The following DPPA4 variants were observed in gnomAD, a reference collection of about 807,000 sequenced individuals.
DPPA4 encodes developmental pluripotency-associated protein 4.
DPPA4 carries 22 observed loss-of-function variants against 33.7 expected under a neutral mutation model. The ratio of observed to expected loss-of-function variants is 0.65; its 90% CI spans 0.47 to 0.93. The LOEUF (loss-of-function observed/expected upper bound fraction) is 0.93, where lower values mean the gene tolerates loss of function less well. Ranked by LOEUF, DPPA4 falls within the 40% of genes least tolerant of loss-of-function variation. The probability of loss-of-function intolerance (pLI) is 0.00; values close to 1 mark genes in which losing one functional copy is unlikely to be tolerated. For missense variants in DPPA4, 340 were observed against 358.6 expected, an observed-to-expected ratio of 0.95 and a Z score of 0.42; for synonymous variants, 156 against 132.3, an observed-to-expected ratio of 1.18 and a Z score of -1.23.
rs1409096272 is a variant in DPPA4 at position 109,326,616 on chromosome 3, A to G, written c.*1372T>C. ...AAAAGATCCCCTACTTGTAATAACAAAACAATGTTGGAAACTGTCATTAAA... is the reference window on the plus strand; with the variant it reads ...AAAAGATCCCCTACTTGTAATAACAGAACAATGTTGGAAACTGTCATTAAA... On this transcript the variant is annotated 3_prime_UTR_variant, in exon 7 of 7. Coordinates refer to ENST00000335658, the MANE Select transcript of DPPA4 (RefSeq NM_018189.4). 2.6e-5 allele frequency: 4 copies of G among 152,246 alleles called. No individual in the cohort carries two copies. The highest frequency in any genetic ancestry group is 7.2e-5 in the African/African-American group (3 of 41,470). 9.4% of individuals were successfully genotyped at this position (152,246 alleles called of 1,614,324 possible).
intron 5 of DPPA4, chr3:109,330,281 A>G (rs1817522): frequency 0.044 from 18,290 of 415,504 alleles, 2,780 homozygotes; most frequent in African/African-American, 0.35. Context: ...TAGCCTGGGC[A>G]ACAAGGGAGA....
At chr3:109,329,248 C>A in intron 5 of DPPA4, 160 bp from the exon 6 acceptor site, 1 of 690,658 alleles carries the variant, frequency 1.4e-6, no homozygotes, top group Non-Finnish European at 2.5e-6. Flanking sequence ...TTTAGAAAAG[C>A]ATACAAGCTG....
intron 6 of DPPA4, among the ~76,000 whole-genome samples, chr3:109,328,486 A>C (rs895480603): frequency 6.6e-6 from 1 of 152,104 alleles, no homozygotes; most frequent in Non-Finnish European, 1.5e-5. Flanking sequence ...CTTTCCATCT[A>C]GTCGATTCTT....
rs61758442 is a variant in DPPA4 at position 109,328,932 on chromosome 3, G to A, written c.836C>T (p.Pro279Leu). 1.5e-5 allele frequency: 24 copies of A among 1,613,902 alleles called. No individual in the cohort carries two copies. The highest frequency in any genetic ancestry group is 1.6e-4 in the Middle Eastern group (1 of 6,080). The change falls in exon 6 of 7, where the codon CCG becomes CTG. Residue 279 changes from proline (P) to leucine (L), a missense_variant. Transcript: ENST00000335658. ...GCACAACATATTGTCTTCAAGGTGC[G>A]GGGGTGGAAAATTGGAGGCAGGAAG... is the stretch of plus-strand genomic sequence containing the variant. ...FLLPASNFPP[P>L]HLEDNMLCPK... is the part of the protein sequence containing the mutation.
rs1707954799 is a variant in DPPA4, at chr3:109,327,165, ATT to A, written c.*821_*822del. On this transcript the variant is annotated 3_prime_UTR_variant, in exon 7 of 7. Transcript: ENST00000335658. Reference sequence around the variant, plus strand: ...GGTTATTAAGAGAACTTTGAAAAATATTGTTTAGAATATTAAAAATCATGTGT... The same window carrying A: ...GGTTATTAAGAGAACTTTGAAAAATAGTTTAGAATATTAAAAATCATGTGT... 1 of 152,192 alleles carries A rather than the reference ATT, an allele frequency of 6.6e-6. No homozygotes were observed. The highest frequency in any genetic ancestry group is 2.1e-4 in the South Asian group (1 of 4,838). The allele number at this position is 152,192 out of a possible 1,614,324, so 9.4% of individuals were successfully genotyped here.
intron 4 of DPPA4, 103 bp downstream of exon 4, chr3:109,331,631 G>C: frequency 1.1e-6 from 1 of 886,590 alleles, no homozygotes; most frequent in Non-Finnish European, 1.8e-6. Flanking sequence ...TAGAACTAGG[G>C]GTGGAGGAAC....
At chr3:109,328,341 A>G (rs1559706534) in intron 6 of DPPA4, among the ~76,000 whole-genome samples, 1 of 152,166 alleles carries the variant, frequency 6.6e-6, no homozygotes, top group Non-Finnish European at 1.5e-5. Context: ...TGCTTGGCAT[A>G]GAGAGATTAT....
Position 109,327,832 on chromosome 3 carries a change from C to A in DPPA4, c.*156G>T. 1 of 598,512 alleles carries A rather than the reference C, an allele frequency of 1.7e-6. No individual in the cohort carries two copies. The highest frequency in any genetic ancestry group is 3.0e-6 in the Non-Finnish European group (1 of 335,572). The allele number at this position is 598,512 out of a possible 1,614,324, so 37.1% of individuals were successfully genotyped here. The stretch of plus-strand genomic sequence containing the variant: ...TCCACTCACAAAGCAACAGGCACTG[C>A]TAGGGGTCTTAGGCTAACATCTGCC... On this transcript the variant is annotated 3_prime_UTR_variant, in exon 7 of 7. Transcript: ENST00000335658.
chr3:109,330,741 C>A lies in DPPA4; in HGVS notation c.462G>T (p.Gly154=), dbSNP rs753329314. 4.3e-6 allele frequency: 7 copies of A among 1,613,984 alleles called. No homozygotes were observed. In the East Asian group the frequency reaches 1.6e-4, roughly 36 times the overall value. The change falls in exon 5 of 7, where the codon GGG becomes GGT. Residue 154 remains glycine (G), a synonymous_variant. Coordinates refer to ENST00000335658, the MANE Select transcript of DPPA4 (RefSeq NM_018189.4). ...SLQKKLKVEK[G]ETSLQSSETH... ...TCTCAGAACTTTGCAGGGACGTTTCCCCCTTTTCCACCTTTAATTTTTTTT... is the reference window on the plus strand; with the variant it reads ...TCTCAGAACTTTGCAGGGACGTTTCACCCTTTTCCACCTTTAATTTTTTTT...
chr3:109,327,876 GC>G lies in DPPA4; in HGVS notation c.*111del. 1.3e-6 allele frequency: 1 copy of G among 788,138 alleles called. No individual in the cohort carries two copies. The highest frequency in any genetic ancestry group is 2.5e-5 in the East Asian group (1 of 40,716). The allele number at this position is 788,138 out of a possible 1,614,324, so 48.8% of individuals were successfully genotyped here. On this transcript the variant is annotated 3_prime_UTR_variant, in exon 7 of 7. Transcript: ENST00000335658. ...ATCTGCCACCCCACCAGTCTGCATG[GC>G]CCATAAACAGGTGCAGAGGACCAGA...
chr3:109,328,170 T>C (rs1707977651), intron 6 of DPPA4, 146 bp from the exon 7 acceptor site: 1 of 628,806 alleles, frequency 1.6e-6, no homozygotes. Context: ...CATTCAAGAA[T>C]GAAGATCATC....
At chr3:109,328,063 A>G in intron 6 of DPPA4, 39 bp from the exon 7 acceptor site, 4 of 1,322,210 alleles carry the variant, frequency 3.0e-6, no homozygotes, top group Non-Finnish European at 4.3e-6. Context: ...AAAAAGAATG[A>G]AGAAATATTA....
At chr3:109,329,700 T>C (rs16855550) in intron 5 of DPPA4, 17,830 of 153,360 alleles carry the variant, frequency 0.12, 2,878 homozygotes, top group African/African-American at 0.37. Flanking sequence ...TTAACACACA[T>C]TGGATTATGC....
At chr3:109,335,693 G>A (rs1163327292) in intron 1 of DPPA4, among the ~76,000 whole-genome samples, 1 of 151,748 alleles carries the variant, frequency 6.6e-6, no homozygotes, top group Non-Finnish European at 1.5e-5. Flanking sequence ...GCCTCCCAAA[G>A]TGCTGGGATT....
chr3:109,332,018 C>T lies in DPPA4; in HGVS notation c.192G>A (p.Lys64=). 6.2e-7 allele frequency: 1 copy of T among 1,612,462 alleles called. No homozygotes were observed. Among genetic ancestry groups the T allele is most frequent in the Non-Finnish European group, 8.5e-7 (1 of 1,179,010 alleles). The change falls in exon 3 of 7, where the codon AAG becomes AAA. Residue 64 remains lysine (K), a synonymous_variant. Transcript: ENST00000335658. Reference sequence around the variant, plus strand: ...GGTTGTCAGTGTGCTCTGCCTTTTTCTTAGGGCAGAGCACTGAAGCAGAAT... The same window carrying T: ...GGTTGTCAGTGTGCTCTGCCTTTTTTTTAGGGCAGAGCACTGAAGCAGAAT... ...SIKGSKVLCP[K]KKAEHTDNPR...
rs139784033 is a variant in DPPA4, at chr3:109,336,752, C to T, written c.54+712G>A. ...CCGGGCCGGGAGCAGCGGCGGGCGC[C>T]TGCAGTCCCAGTAGCACTTTGGTAA... is the stretch of plus-strand genomic sequence containing the variant. On this transcript the variant is annotated intron_variant, in intron 1 of 6. Coordinates refer to ENST00000335658, the MANE Select transcript of DPPA4 (RefSeq NM_018189.4). Among the ~76,000 whole-genome samples the T allele has an allele frequency of 5.8e-3, 878 of 152,276 alleles. 9 individuals are homozygous for T. Among genetic ancestry groups the T allele is most frequent in the African/African-American group, 0.02 (818 of 41,556 alleles).
intron 1 of DPPA4, among the ~76,000 whole-genome samples, chr3:109,334,216 G>A (rs1576839011): frequency 6.6e-6 from 1 of 152,316 alleles, no homozygotes; most frequent in East Asian, 1.9e-4. Flanking sequence ...CACATGAAAA[G>A]ACAGATACAA....
At chr3:109,328,653 TATA>T (rs1460087146) in intron 6 of DPPA4, among the ~76,000 whole-genome samples, 2 of 152,268 alleles carry the variant, frequency 1.3e-5, no homozygotes, top group East Asian at 1.9e-4. Flanking sequence ...ATAGTAATTA[TATA>T]ATGTTTGTTG....
chr3:109,337,209 T>G (rs1051389892), intron 1 of DPPA4, among the ~76,000 whole-genome samples: 3 of 151,554 alleles, frequency 2.0e-5, no homozygotes, highest in Non-Finnish European at 2.9e-5. Flanking sequence ...CTCTTTTTTT[T>G]TTTTCCCCAT....
Sources: gnomAD v4.1 joint callset for allele counts (sites outside exome capture counted in the v4.1 genomes callset) on GRCh38, gnomAD v4.1.1 for gene constraint, MANE v1.5 for transcripts, NCBI Gene and HGNC (gene_info 2026-07-23, HGNC 2026-07-21) for gene names.